SPG7: variants seen among roughly 807,000 people sequenced by gnomAD.
SPG7 encodes the protein SPG7 matrix AAA peptidase subunit, paraplegin, also known as mitochondrial inner membrane m-AAA protease component paraplegin.
A neutral mutation model predicts 81.9 loss-of-function variants in SPG7; 103 were observed. That is an observed-to-expected ratio of 1.26 (90% CI 1.07 to 1.48). The LOEUF (loss-of-function observed/expected upper bound fraction) is 1.48, where lower values mean the gene tolerates loss of function less well. Among genes scored for constraint, SPG7 ranks in the 40% most tolerant of loss-of-function variants. The pLI is 0.00. For missense variants in SPG7, 1,241 were observed against 1,087.3 expected (o/e 1.14, Z -1.99); for synonymous variants, 534 against 444.2 (o/e 1.20, Z -2.54).
chr16:89,532,393 G>GC, intron 8 of SPG7, 70 bp from the exon 9 acceptor site: 1 of 1,558,444 alleles, frequency 6.4e-7, no homozygotes, highest in South Asian at 1.1e-5. Flanking sequence ...ACTTTGTCTG[G>GC]CCCGGGTACA....
At position 89,510,488 on chromosome 16, in the gene SPG7, A is replaced by G; in HGVS notation, c.184-2A>G. On this transcript the variant is annotated splice_acceptor_variant, in intron 1 of 16. Transcript: ENST00000645818. LOFTEE classifies it high-confidence loss of function. Reference sequence around the variant, plus strand: ...CCAGTATTGTTTTTTTTTTTTTTTCAGAGCTTACAATTGAGACTGCTAACC... The same window carrying G: ...CCAGTATTGTTTTTTTTTTTTTTTCGGAGCTTACAATTGAGACTGCTAACC... 6.9e-7 allele frequency: 1 copy of G among 1,457,588 alleles called. No individual in the cohort carries two copies. The highest frequency in any genetic ancestry group is 9.4e-7 in the Non-Finnish European group (1 of 1,067,230). The allele number at this position is 1,457,588 out of a possible 1,614,324, so 90.3% of individuals were successfully genotyped here. A position where few individuals can be genotyped will look rare whatever the true frequency, so the allele number is the denominator to read the frequency against.
Position 89,508,441 on chromosome 16 carries a change from C to A in SPG7, c.24C>A (p.Leu8=). 3 of 1,501,910 alleles carry A rather than the reference C, an allele frequency of 2.0e-6. No homozygotes were observed. The highest frequency in any genetic ancestry group is 1.2e-5 in the South Asian group (1 of 80,674). 93.0% of individuals were successfully genotyped at this position (1,501,910 alleles called of 1,614,324 possible). A position where few individuals can be genotyped will look rare whatever the true frequency, so the allele number is the denominator to read the frequency against. ...ACATGGCCGTGCTGCTGCTGCTGCT[C>A]CGTGCCCTCCGCCGGGGTCCAGGCC... is the stretch of plus-strand genomic sequence containing the variant. MAVLLLL[L]RALRRGPGPG... is the part of the protein sequence containing the mutation. The change falls in exon 1 of 17, where the codon CTC becomes CTA. Residue 8 remains leucine (L), a synonymous_variant. Coordinates refer to ENST00000645818, the MANE Select transcript of SPG7 (RefSeq NM_003119.4).
intron 5 of SPG7, chr16:89,527,091 C>T (rs1454501225): frequency 1.1e-5 from 2 of 176,290 alleles, no homozygotes; most frequent in African/African-American, 4.8e-5. Flanking sequence ...ATACCCAATA[C>T]CCTGTAAATA....
chr16:89,540,629 T>C (rs937484131), intron 9 of SPG7: 13 of 153,196 alleles, frequency 8.5e-5, no homozygotes, highest in African/African-American at 3.1e-4. Context: ...CACCACACGC[T>C]GCTGAGGATG....
rs57995524 is a variant in SPG7, at chr16:89,543,347, C to CTTTTTTTTTTTTTTTTTTTTT, written c.1325-1284_1325-1283insTTTTTTTTTTTTTTTTTTTTT. 8 of 108,964 alleles carry CTTTTTTTTTTTTTTTTTTTTT rather than the reference C, an allele frequency of 7.3e-5. 1 individual carries two copies. The highest frequency in any genetic ancestry group is 1.3e-4 in the Non-Finnish European group (7 of 52,658). 6.7% of individuals were successfully genotyped at this position (108,964 alleles called of 1,614,324 possible). On this transcript the variant is annotated intron_variant, in intron 9 of 16. Coordinates refer to ENST00000645818, the MANE Select transcript of SPG7 (RefSeq NM_003119.4). ...AACACTGTTTATTGTGGACCTTTTCCTTTTTTTTTTTTTTTTTGAGAGTCT... is the reference window on the plus strand; with the variant it reads ...AACACTGTTTATTGTGGACCTTTTCCTTTTTTTTTTTTTTTTTTTTTTTTTTTTTTTTTTTTTTGAGAGTCT...
At chr16:89,509,761 A>G (rs558743217) in intron 1 of SPG7, among the ~76,000 whole-genome samples, 127 of 149,858 alleles carry the variant, frequency 8.5e-4, no homozygotes, top group African/African-American at 3.1e-3. Context: ...ATAGCAGCCA[A>G]TGTACTTCTG....
At chr16:89,533,823 T>TA (rs1463669404) in intron 9 of SPG7, 5 of 151,898 alleles carry the variant, frequency 3.3e-5, no homozygotes, top group African/African-American at 1.2e-4. Flanking sequence ...TTATTTTTTT[T>TA]ATGTGGATAT....
At chr16:89,548,145 C>T (rs769514820) in intron 12 of SPG7, 32 bp downstream of exon 12, 3 of 1,466,724 alleles carry the variant, frequency 2.0e-6, no homozygotes, top group South Asian at 2.3e-5. Flanking sequence ...TGAAGGCCCT[C>T]CTTAGCAGGG....
At position 89,510,528 on chromosome 16, in the gene SPG7, G is replaced by C. The variant is rs758816368; in HGVS notation, c.222G>C (p.Gly74=). Residue 74 remains glycine (G), a synonymous_variant, in exon 2 of 17, where the codon GGG becomes GGC. Transcript: ENST00000645818. ...GACTGCTAACCCCTACCTTTGAAGG[G>C]ATCAACGGATTGTTGTTGAAACAAC... ...QLRLLTPTFE[G]INGLLLKQHL... The C allele has an allele frequency of 3.1e-6, 5 of 1,611,808 alleles. No homozygotes were observed. In the Admixed American group the frequency reaches 6.7e-5, roughly 22 times the overall value.
At chr16:89,538,406 G>A (rs909465311) in intron 9 of SPG7, 2 of 152,304 alleles carry the variant, frequency 1.3e-5, no homozygotes, top group African/African-American at 4.8e-5. Context: ...GTGAGCCTGG[G>A]GGACGGATGG....
intron 3 of SPG7, among the ~76,000 whole-genome samples, chr16:89,515,379 C>T (rs1400803711): frequency 6.6e-6 from 1 of 151,706 alleles, no homozygotes; most frequent in Non-Finnish European, 1.5e-5. Flanking sequence ...AGCGATTCTC[C>T]TGCCTCAGCC....
chr16:89,553,908 TG>T lies in SPG7; in HGVS notation c.2054del (p.Gly685AlafsTer14). 1 of 1,612,968 alleles carries T rather than the reference TG, an allele frequency of 6.2e-7. No homozygotes were observed. Among genetic ancestry groups the T allele is most frequent in the Non-Finnish European group, 8.5e-7 (1 of 1,179,936 alleles). ...TTCCCTGAGGCGCAGGAGGGCCTCATGGGCATCGGGCGGCGCCCCTTCAGCC... is the reference window on the plus strand; with the variant it reads ...TTCCCTGAGGCGCAGGAGGGCCTCATGGCATCGGGCGGCGCCCCTTCAGCC... ...ISFPEAQEGL[M>X]GIGRRPFSQG... On this transcript the variant is annotated frameshift_variant, in exon 15 of 17. Coordinates refer to ENST00000645818, the MANE Select transcript of SPG7 (RefSeq NM_003119.4). LOFTEE classifies it high-confidence loss of function.
intron 16 of SPG7, chr16:89,556,404 C>T (rs566670496): frequency 3.6e-6 from 1 of 276,914 alleles, no homozygotes; most frequent in African/African-American, 2.2e-5. Flanking sequence ...CCAGGCCACC[C>T]CAGGGGCAGG....
rs1567915350 is a variant in SPG7 at position 89,532,620 on chromosome 16, T to C, written c.1308T>C (p.Leu436=). The part of the protein sequence containing the change: ...NTEEEQTLNQ[L]LVEMDGMGTT... ...AGGAGGAGCAGACGCTCAACCAGCT[T>C]CTGGTAGAAATGGATGGTCAGTGCT... Residue 436 remains leucine, a synonymous_variant, in exon 9 of 17, where the codon CTT becomes CTC. Coordinates refer to ENST00000645818, the MANE Select transcript of SPG7 (RefSeq NM_003119.4). The C allele has an allele frequency of 1.9e-6, 3 of 1,613,676 alleles. 1 individual carries two copies. Among genetic ancestry groups the C allele is most frequent in the East Asian group, 4.5e-5 (2 of 44,882 alleles).
chr16:89,547,905 G>C, intron 11 of SPG7, 98 bp from the exon 12 acceptor site: 1 of 896,450 alleles, frequency 1.1e-6, no homozygotes, highest in South Asian at 1.3e-5. Flanking sequence ...GAGCCACCAT[G>C]CCCGGCCATC....
At chr16:89,511,473 C>G (rs1213901116) in intron 2 of SPG7, among the ~76,000 whole-genome samples, 1 of 152,236 alleles carries the variant, frequency 6.6e-6, no homozygotes, top group African/African-American at 2.4e-5. Flanking sequence ...TAACATTAAA[C>G]AGCTTTGTGC....
Position 89,526,387 on chromosome 16 carries a change from T to A in SPG7, c.677T>A (p.Leu226His), listed in dbSNP as rs1240424706. ...AATATTGACAAGTTTGAAGAGAAGCTTCGAGCAGCTGAAGATGAGCTGAAT... is the reference window on the plus strand; with the variant it reads ...AATATTGACAAGTTTGAAGAGAAGCATCGAGCAGCTGAAGATGAGCTGAAT... ...VANIDKFEEK[L>H]RAAEDELNIE... is the part of the protein sequence containing the mutation. The change falls in exon 5 of 17, where the codon CTT (leucine) becomes CAT (histidine). Residue 226 changes from leucine to histidine, a missense_variant. Coordinates refer to ENST00000645818, the MANE Select transcript of SPG7 (RefSeq NM_003119.4). 4 of 1,614,072 alleles carry A rather than the reference T, an allele frequency of 2.5e-6. No homozygotes were observed. In the African/African-American group the frequency reaches 5.3e-5, roughly 22 times the overall value.
Position 89,518,812 on chromosome 16 carries a change from T to C in SPG7, c.377-5194T>C, listed in dbSNP as rs1396846846. The C allele has an allele frequency of 2.6e-5, 4 of 152,054 alleles. No homozygotes were observed. The East Asian group carries it at 7.7e-4, about 29-fold the overall frequency. The allele number at this position is 152,054 out of a possible 1,614,324, so 9.4% of individuals were successfully genotyped here. On this transcript the variant is annotated intron_variant, in intron 3 of 16. Coordinates refer to ENST00000645818, the MANE Select transcript of SPG7 (RefSeq NM_003119.4). ...GAGACAGCCGGAGGGAGCCTGTGGT[T>C]GGATTGCCTCAGCTGCGGTGGGCAC...
chr16:89,531,935 A>G lies in SPG7; in HGVS notation c.1019A>G (p.Lys340Arg), dbSNP rs750205945. ...SPERFLQLGA[K>R]VPKGALLLGP... is the part of the protein sequence containing the mutation. ...GAACGCTTCCTCCAGCTTGGCGCCA[A>G]GGTCCCAAAGGGCGCACTGCTGCTC... Residue 340 changes from lysine to arginine, a missense_variant, in exon 8 of 17, where the codon AAG becomes AGG. Lys to Arg is a conservative substitution (Grantham distance 26). Coordinates refer to ENST00000645818, the MANE Select transcript of SPG7 (RefSeq NM_003119.4). 1.9e-6 allele frequency: 3 copies of G among 1,614,144 alleles called. No homozygotes were observed. The highest frequency in any genetic ancestry group is 2.2e-5 in the East Asian group (1 of 44,882).
Sources: gnomAD v4.1 joint callset for allele counts (sites outside exome capture counted in the v4.1 genomes callset) on GRCh38, gnomAD v4.1.1 for gene constraint, MANE v1.5 for transcripts, NCBI Gene and HGNC (gene_info 2026-07-23, HGNC 2026-07-21) for gene names.